Variants in PRELID2 observed in about 807,000 individuals in gnomAD.
PRELID2 encodes the protein PRELI domain-containing protein 2.
In PRELID2, 25 loss-of-function variants were observed where a neutral mutation model predicts 28.4. That is an observed-to-expected ratio of 0.88 (90% CI 0.64 to 1.23). The LOEUF is 1.23. Ranked by LOEUF, PRELID2 falls within the 50% of genes most tolerant of loss-of-function variation. The pLI is 0.00. For synonymous variants in PRELID2, 76 were observed against 71.6 expected, an observed-to-expected ratio of 1.06 and a Z score of -0.31; for missense variants, 201 against 214.4, an observed-to-expected ratio of 0.94 and a Z score of 0.39.
At chr5:145,596,424 G>A (rs1753307359) in intron 1 of PRELID2, among the ~76,000 whole-genome samples, 1 of 152,108 alleles carries the variant, frequency 6.6e-6, no homozygotes, top group East Asian at 1.9e-4. Context: ...GCTTAGGGGA[G>A]TGGTTCTACT....
intron 1 of PRELID2, among the ~76,000 whole-genome samples, chr5:145,738,077 G>A (rs1273260985): frequency 1.3e-5 from 2 of 152,096 alleles, no homozygotes; most frequent in East Asian, 1.9e-4. Context: ...AGTCTAGTGG[G>A]AAACCAGAAC....
chr5:145,376,926 C>A, the PRELID2 span, among the ~76,000 whole-genome samples: 1 of 151,840 alleles, frequency 6.6e-6, no homozygotes, highest in Non-Finnish European at 1.5e-5. Flanking sequence ...TTGTCTTCTG[C>A]TAGTTTTGGT....
chr5:145,339,138 A>T, the PRELID2 span, among the ~76,000 whole-genome samples: 1 of 152,248 alleles, frequency 6.6e-6, no homozygotes, highest in Non-Finnish European at 1.5e-5. Flanking sequence ...GACTGGAGGC[A>T]AGATGGCTGA....
chr5:145,676,540 A>AAAC (rs554646397), intron 1 of PRELID2, among the ~76,000 whole-genome samples: 8 of 152,286 alleles, frequency 5.3e-5, no homozygotes, highest in South Asian at 2.1e-4. Flanking sequence ...CTCTGTCTCA[A>AAAC]AACAACAACA....
At chr5:145,548,247 C>G (rs1047209109) in intron 1 of PRELID2, among the ~76,000 whole-genome samples, 2 of 152,176 alleles carry the variant, frequency 1.3e-5, no homozygotes, top group African/African-American at 4.8e-5. Flanking sequence ...CCCACCTCCC[C>G]TTCTTTTGTT....
rs1757299038 is a variant in PRELID2, at chr5:145,757,689, C to T, written c.*2847G>A. The stretch of plus-strand genomic sequence containing the variant: ...ATTAATTCCAAAAAGAGGACAGACA[C>T]AGTGGCTCAAGCCTGTAATCCCAGC... On this transcript the variant is annotated 3_prime_UTR_variant, in exon 7 of 7. Coordinates refer to ENST00000683046, the MANE Select transcript of PRELID2 (RefSeq NM_205846.3). 6.6e-6 allele frequency among the ~76,000 whole-genome samples: 1 copy of T among 151,514 alleles called. No homozygotes were observed. Among genetic ancestry groups the T allele is most frequent in the Admixed American group, 6.6e-5 (1 of 15,174 alleles).
At chr5:145,254,004 CACACACACACAT>C in the PRELID2 span, among the ~76,000 whole-genome samples, 1 of 151,680 alleles carries the variant, frequency 6.6e-6, no homozygotes, top group African/African-American at 2.4e-5. Context: ...TAAGGATTCA[CACACACACACAT>C]ACACACACAC....
chr5:145,623,447 C>CA (rs923728377), intron 1 of PRELID2, among the ~76,000 whole-genome samples: 163 of 148,832 alleles, frequency 1.1e-3, no homozygotes, highest in East Asian at 3.0e-3. Context: ...AACTCCTTCT[C>CA]AAAAAAAAAT....
At chr5:145,460,814 C>T in the PRELID2 span, among the ~76,000 whole-genome samples, 270 of 152,298 alleles carry the variant, frequency 1.8e-3, 5 homozygotes, top group East Asian at 0.042. Context: ...CCTAAGATCA[C>T]ACTGTTGGCA....
chr5:145,569,706 G>A (rs1032624957), intron 1 of PRELID2, among the ~76,000 whole-genome samples: 3 of 152,182 alleles, frequency 2.0e-5, no homozygotes, highest in East Asian at 1.9e-4. Context: ...TATTTATTAC[G>A]TATTAGGTAT....
At chr5:145,337,732 C>CA in the PRELID2 span, among the ~76,000 whole-genome samples, 4 of 22,712 alleles carry the variant, frequency 1.8e-4, no homozygotes, top group South Asian at 4.4e-3. Flanking sequence ...TATATATATA[C>CA]TCACACACAC....
chr5:145,425,067 C>T, the PRELID2 span, among the ~76,000 whole-genome samples: 1 of 80,836 alleles, frequency 1.2e-5, no homozygotes, highest in African/African-American at 4.2e-5. Context: ...AACCAATGTA[C>T]AAGAAAAAAA....
chr5:145,241,926 CA>C, the PRELID2 span, among the ~76,000 whole-genome samples: 302 of 151,650 alleles, frequency 2.0e-3, no homozygotes, highest in African/African-American at 6.8e-3. Context: ...GAGAACTATT[CA>C]AAAGAAATGC....
At chr5:145,392,181 C>T in the PRELID2 span, among the ~76,000 whole-genome samples, 2 of 152,146 alleles carry the variant, frequency 1.3e-5, no homozygotes, top group Admixed American at 6.5e-5. Context: ...TAAAGACATA[C>T]TTGAGACTGG....
chr5:145,729,330 C>T lies in PRELID2; in HGVS notation n.70+35601G>A, dbSNP rs1756267850. ...GGGGCCTTGAGTCCAAATTTCTTTA[C>T]ATTTAGCCCATATCATGCCTCTGTT... On this transcript the variant is annotated intron_variant and non_coding_transcript_variant, in intron 1 of 2. Coordinates refer to the PRELID2 transcript ENST00000510259. 3.6e-5 allele frequency: 31 copies of T among 859,038 alleles called. No homozygotes were observed. The South Asian group carries it at 4.9e-4, about 14-fold the overall frequency. The allele number at this position is 859,038 out of a possible 1,614,324, so 53.2% of individuals were successfully genotyped here.
the PRELID2 span, among the ~76,000 whole-genome samples, chr5:145,304,549 A>G: frequency 3.0e-3 from 452 of 152,298 alleles, 2 homozygotes; most frequent in African/African-American, 0.01. Context: ...AGATAATGAA[A>G]CTGAAATAAT....
At chr5:145,245,014 T>C in the PRELID2 span, among the ~76,000 whole-genome samples, 6 of 152,216 alleles carry the variant, frequency 3.9e-5, no homozygotes, top group South Asian at 1.2e-3. Flanking sequence ...TTTTTCTCTT[T>C]ATGTTATTTT....
At chr5:145,753,599 A>T (rs1189251007), downstream of PRELID2, among the ~76,000 whole-genome samples, 1 of 152,110 alleles carries the variant, frequency 6.6e-6, no homozygotes, top group East Asian at 1.9e-4. Flanking sequence ...TACTGATAAG[A>T]GAACATCATG....
the PRELID2 span, among the ~76,000 whole-genome samples, chr5:145,338,761 A>T: frequency 6.6e-6 from 1 of 152,216 alleles, no homozygotes; most frequent in Admixed American, 6.5e-5. Context: ...TAGTTGAAAC[A>T]CTGGCCCAAT....
Sources: allele counts gnomAD v4.1 joint callset (sites outside exome capture counted in the v4.1 genomes callset), GRCh38; gene constraint gnomAD v4.1.1; transcripts MANE v1.5; gene names NCBI Gene and HGNC (gene_info 2026-07-23, HGNC 2026-07-21).